PSMD5: variants seen among roughly 807,000 people sequenced by gnomAD.
PSMD5 encodes 26S proteasome non-ATPase regulatory subunit 5.
PSMD5 carries 40 observed loss-of-function variants against 52.1 expected under a neutral mutation model. The ratio of observed to expected loss-of-function variants is 0.77; its 90% confidence interval spans 0.60 to 1.00. The LOEUF (loss-of-function observed/expected upper bound fraction) is 1.00, where lower values mean the gene tolerates loss of function less well. Among genes scored for constraint, PSMD5 ranks in the 50% least tolerant of loss-of-function variants. The pLI, the probability that PSMD5 is intolerant of heterozygous loss-of-function variation, is 0.00. For missense variants in PSMD5, 575 were observed against 605.2 expected (o/e 0.95, Z 0.52); for synonymous variants, 211 against 226.6 (o/e 0.93, Z 0.62).
At chr9:120,824,869 C>T (rs2131423964) in intron 6 of PSMD5, 184 bp from the exon 7 acceptor site, 2 of 501,026 alleles carry the variant, frequency 4.0e-6, no homozygotes, top group East Asian at 6.2e-5. Context: ...ATGTGTGATC[C>T]TGAGAGAGGG....
At chr9:120,821,234 CTA>C (rs2045082015) in intron 8 of PSMD5, 119 bp downstream of exon 8, 1 of 758,784 alleles carries the variant, frequency 1.3e-6, no homozygotes, top group East Asian at 2.6e-5. Flanking sequence ...AAAAATGTCA[CTA>C]GTCATATAAT....
At chr9:120,837,735 C>T (rs2045208078) in intron 1 of PSMD5, among the ~76,000 whole-genome samples, 1 of 152,188 alleles carries the variant, frequency 6.6e-6, no homozygotes, top group African/African-American at 2.4e-5. Context: ...ACCATCTAGC[C>T]ATTTCATTCC....
chr9:120,838,193 G>A (rs1320664116), intron 1 of PSMD5, among the ~76,000 whole-genome samples: 3 of 152,170 alleles, frequency 2.0e-5, no homozygotes, highest in African/African-American at 4.8e-5. Context: ...TAATTGTGGC[G>A]ATGGTTTCAT....
At chr9:120,831,788 C>G (rs1206830892) in intron 3 of PSMD5, 44 bp downstream of exon 3, 9 of 1,580,390 alleles carry the variant, frequency 5.7e-6, no homozygotes, top group Non-Finnish European at 7.7e-6. Context: ...TTTTGGGACA[C>G]CGATGTCTCT....
chr9:120,824,783 G>T, intron 6 of PSMD5, 98 bp from the exon 7 acceptor site: 1 of 997,426 alleles, frequency 1.0e-6, no homozygotes, highest in Non-Finnish European at 1.5e-6. Context: ...CTGCAGGCCA[G>T]AAAAGCATAG....
intron 4 of PSMD5, among the ~76,000 whole-genome samples, 182 bp from the exon 5 acceptor site, chr9:120,829,390 GATTATT>G (rs933727488): frequency 6.6e-6 from 1 of 151,900 alleles, no homozygotes; most frequent in Non-Finnish European, 1.5e-5. Flanking sequence ...CTTTGGCACA[GATTATT>G]ATTATTATTA....
intron 1 of PSMD5, among the ~76,000 whole-genome samples, chr9:120,839,688 C>G (rs1421309897): frequency 6.6e-6 from 1 of 151,408 alleles, no homozygotes; most frequent in Non-Finnish European, 1.5e-5. Context: ...AGTCTTTGAT[C>G]ACAAACATTT....
chr9:120,839,658 A>C (rs980559665), intron 1 of PSMD5, among the ~76,000 whole-genome samples: 12 of 152,226 alleles, frequency 7.9e-5, no homozygotes, highest in Non-Finnish European at 1.2e-4. Context: ...TAATCTTTTC[A>C]AGTAGTAAGG....
rs574064937 is a variant in PSMD5 at position 120,838,047 on chromosome 9, C to G, written c.174-4591G>C. On this transcript the variant is annotated intron_variant, in intron 1 of 9. Transcript: ENST00000210313. ...GACTCCATTTGTATGATCCCTTCCCCCCATGTCTGGCCAAAATAAAGGGCA... is the reference window on the plus strand; with the variant it reads ...GACTCCATTTGTATGATCCCTTCCCGCCATGTCTGGCCAAAATAAAGGGCA... 4.6e-5 allele frequency among the ~76,000 whole-genome samples: 7 copies of G among 152,294 alleles called. No individual in the cohort carries two copies. The South Asian group carries it at 1.5e-3, about 32-fold the overall frequency.
chr9:120,832,263 T>C lies in PSMD5; in HGVS notation c.319-318A>G, dbSNP rs2045166484. On this transcript the variant is annotated intron_variant, in intron 2 of 9. Transcript: ENST00000210313. ...TTAGCCCCATTTCTTATCCGTAAAA[T>C]GGGAACACAATATTTAATTCCAGGA... Among the ~76,000 whole-genome samples the C allele has an allele frequency of 2.0e-5, 3 of 152,218 alleles. No individual in the cohort carries two copies. The South Asian group carries it at 6.2e-4, about 32-fold the overall frequency.
At chr9:120,827,099 T>G (rs994879599) in intron 5 of PSMD5, among the ~76,000 whole-genome samples, 192 bp from the exon 6 acceptor site, 1 of 152,230 alleles carries the variant, frequency 6.6e-6, no homozygotes, top group African/African-American at 2.4e-5. Context: ...CATATTGTTA[T>G]TATAGGCAGA....
chr9:120,820,779 T>G, intron 9 of PSMD5, 60 bp downstream of exon 9: 3 of 1,479,906 alleles, frequency 2.0e-6, no homozygotes, highest in Non-Finnish European at 2.7e-6. Context: ...GGCTCACTGT[T>G]AAGTACTCAA....
In PSMD5 at chr9:120,816,546, G is replaced by A. The variant is rs981319701; in HGVS notation, c.*1360C>T. On this transcript the variant is annotated 3_prime_UTR_variant, in exon 10 of 10. Coordinates refer to ENST00000210313, the MANE Select transcript of PSMD5 (RefSeq NM_005047.4). ...AAACACACACAAAAAACAGAGTCAC[G>A]TTGCCAGGGGAGATGATCAATCTGG... is the stretch of plus-strand genomic sequence containing the variant. The A allele has an allele frequency of 2.6e-5, 4 of 152,188 alleles. No individual in the cohort carries two copies. Among genetic ancestry groups the A allele is most frequent in the East Asian group, 1.9e-4 (1 of 5,200 alleles). The allele number at this position is 152,188 out of a possible 1,614,324, so 9.4% of individuals were successfully genotyped here.
At chr9:120,824,779 G>A (rs2045111470) in intron 6 of PSMD5, 94 bp from the exon 7 acceptor site, 3 of 1,055,638 alleles carry the variant, frequency 2.8e-6, no homozygotes, top group South Asian at 1.6e-5. Context: ...TGAACTGCAG[G>A]CCAGAAAAGC....
chr9:120,818,219 G>C, intron 9 of PSMD5, 56 bp from the exon 10 acceptor site: 1 of 1,520,558 alleles, frequency 6.6e-7, no homozygotes, highest in Non-Finnish European at 8.9e-7. Context: ...GTTTGTTAAT[G>C]GGATGGCACA....
At chr9:120,839,855 C>A (rs1417716527) in intron 1 of PSMD5, among the ~76,000 whole-genome samples, 1 of 140,306 alleles carries the variant, frequency 7.1e-6, no homozygotes. Flanking sequence ...GTGGCTCATG[C>A]CTGTAATCCC....
In PSMD5 at chr9:120,842,757, G is replaced by A. The variant is rs1225166988; in HGVS notation, c.153C>T (p.Ser51=). The change falls in exon 1 of 10, where the codon TCC becomes TCT. Residue 51 remains serine, a synonymous_variant. Coordinates refer to ENST00000210313, the MANE Select transcript of PSMD5 (RefSeq NM_005047.4). The stretch of plus-strand genomic sequence containing the variant: ...CTCACCTATGGTTCTCGTTAAGCAG[G>A]GAGAAGAGCGGGCCGAGGCGCAGCT... ...AAELRLGPLF[S]LLNENHREKT... is the part of the protein sequence containing the mutation. 3.7e-6 allele frequency: 6 copies of A among 1,613,172 alleles called. No homozygotes were observed. The highest frequency in any genetic ancestry group is 5.1e-6 in the Non-Finnish European group (6 of 1,180,012).
chr9:120,840,059 C>G (rs913573749), intron 1 of PSMD5, among the ~76,000 whole-genome samples: 1 of 141,760 alleles, frequency 7.1e-6, no homozygotes, highest in Non-Finnish European at 1.5e-5. Flanking sequence ...ACCTGGGAGG[C>G]GAGGTTACAG....
intron 1 of PSMD5, among the ~76,000 whole-genome samples, chr9:120,836,428 G>A (rs928870745): frequency 4.2e-5 from 6 of 143,384 alleles, no homozygotes; most frequent in Admixed American, 7.2e-5. Flanking sequence ...ATGGAGTCTC[G>A]CTCTGTTGCC....
Sources: gnomAD v4.1 joint callset for allele counts (sites outside exome capture counted in the v4.1 genomes callset) on GRCh38, gnomAD v4.1.1 for gene constraint, MANE v1.5 for transcripts, NCBI Gene and HGNC (gene_info 2026-07-23, HGNC 2026-07-21) for gene names.